SGO2: variants seen among roughly 807,000 people sequenced by gnomAD.
The protein encoded by SGO2 is shugoshin 2.
SGO2 carries 68 observed loss-of-function variants against 99.5 expected under a neutral mutation model. That is an observed-to-expected ratio of 0.68 (90% CI 0.56 to 0.84). The LOEUF is 0.84. Ranked by LOEUF, SGO2 falls within the 40% of genes least tolerant of loss-of-function variation. The probability of loss-of-function intolerance (pLI) is 0.00; values close to 1 mark genes in which losing one functional copy is unlikely to be tolerated. For synonymous variants in SGO2, 457 were observed against 487.1 expected (o/e 0.94, Z 0.81); for missense variants, 1,350 against 1,436.7 (o/e 0.94, Z 0.97).
chr2:200,532,920 T>G, intron 1 of SGO2, 54 bp from the exon 2 acceptor site: 1 of 1,512,314 alleles, frequency 6.6e-7, no homozygotes, highest in Non-Finnish European at 9.0e-7. Flanking sequence ...TATTTATCAG[T>G]TATACTTTTT....
chr2:200,562,537 C>T (rs537022666), intron 5 of SGO2, among the ~76,000 whole-genome samples: 6 of 152,244 alleles, frequency 3.9e-5, no homozygotes, highest in Middle Eastern at 3.4e-3. Context: ...CTTGGCAATG[C>T]GGGCTCTTTT....
chr2:200,550,170 G>A (rs1000905201), intron 5 of SGO2, among the ~76,000 whole-genome samples: 4 of 152,060 alleles, frequency 2.6e-5, no homozygotes, highest in African/African-American at 9.7e-5. Flanking sequence ...TCTATAGAAG[G>A]AAAATGACAA....
At chr2:200,563,026 CT>C (rs2033036536) in intron 5 of SGO2, among the ~76,000 whole-genome samples, 1 of 152,084 alleles carries the variant, frequency 6.6e-6, no homozygotes, top group South Asian at 2.1e-4. Context: ...TTGACTTCCT[CT>C]TTTCCTAATT....
At chr2:200,532,487 A>G (rs1433921980) in intron 1 of SGO2, 2 of 946,316 alleles carry the variant, frequency 2.1e-6, no homozygotes, top group Admixed American at 6.2e-5. Flanking sequence ...TTGTAATACT[A>G]TAATGTAATG....
intron 8 of SGO2, among the ~76,000 whole-genome samples, chr2:200,576,919 C>T (rs2033685611): frequency 6.6e-6 from 1 of 151,828 alleles, no homozygotes; most frequent in African/African-American, 2.4e-5. Context: ...TGTAGATGTA[C>T]CACATTTTGT....
At chr2:200,535,727 C>T (rs980465544) in intron 3 of SGO2, among the ~76,000 whole-genome samples, 8 of 151,886 alleles carry the variant, frequency 5.3e-5, no homozygotes, top group Non-Finnish European at 7.4e-5. Context: ...GGTTTAATTC[C>T]GGTGGCTGAC....
In SGO2 at chr2:200,533,014, C is replaced by A. The variant is rs375493784; in HGVS notation, c.39C>A (p.Thr13=). 3.1e-6 allele frequency: 5 copies of A among 1,608,552 alleles called. 1 individual carries two copies. The African/African-American group carries it at 6.7e-5, about 22-fold the overall frequency. ...TGATGGAAACTGGCTCACTTTTTACCTCAGGAATTAAGAGACATTTGAAAG... is the reference window on the plus strand; with the variant it reads ...TGATGGAAACTGGCTCACTTTTTACATCAGGAATTAAGAGACATTTGAAAG... ...CPVMETGSLF[T]SGIKRHLKDK... Residue 13 remains threonine, a synonymous_variant, in exon 2 of 9, where the codon ACC becomes ACA. Transcript: ENST00000357799.
chr2:200,532,284 G>T (rs66740233), intron 1 of SGO2: 14,856 of 151,924 alleles, frequency 0.098, 801 homozygotes, highest in African/African-American at 0.18. Context: ...TTTTTTTTTT[G>T]TTTTTTTTTT....
At chr2:200,547,927 G>A (rs2032301235) in intron 5 of SGO2, among the ~76,000 whole-genome samples, 1 of 151,388 alleles carries the variant, frequency 6.6e-6, no homozygotes, top group Admixed American at 6.6e-5. Context: ...ATGATTAAGG[G>A]GTCAATTCAA....
intron 5 of SGO2, among the ~76,000 whole-genome samples, chr2:200,556,355 C>A (rs192212773): frequency 6.6e-6 from 1 of 152,284 alleles, no homozygotes; most frequent in East Asian, 1.9e-4. Context: ...TTTAGCCAGG[C>A]CAAACAGCCA....
In SGO2 at chr2:200,561,507, T is replaced by C. The variant is rs945055274; in HGVS notation, c.474-8156T>C. 5.3e-5 allele frequency among the ~76,000 whole-genome samples: 8 copies of C among 152,322 alleles called. No homozygotes were observed. In the South Asian group the frequency reaches 1.7e-3, roughly 32 times the overall value. On this transcript the variant is annotated intron_variant, in intron 5 of 8. Coordinates refer to ENST00000357799, the MANE Select transcript of SGO2 (RefSeq NM_152524.6). The stretch of plus-strand genomic sequence containing the variant: ...AAGTCTTTGCTATTGTGAATAGTGC[T>C]GCAATAAACATACGTGTGCATGTGT...
At chr2:200,567,069 C>T (rs2033221232) in intron 5 of SGO2, among the ~76,000 whole-genome samples, 2 of 152,180 alleles carry the variant, frequency 1.3e-5, no homozygotes, top group Admixed American at 1.3e-4. Context: ...TGGGCTGCAC[C>T]CACTGTCCTG....
chr2:200,581,681 A>G (rs1033861018), intron 8 of SGO2, among the ~76,000 whole-genome samples: 4 of 152,146 alleles, frequency 2.6e-5, no homozygotes, highest in African/African-American at 9.7e-5. Flanking sequence ...TTTCCAATCC[A>G]AAAAGAAGGA....
intron 5 of SGO2, among the ~76,000 whole-genome samples, chr2:200,544,363 C>T (rs1395870720): frequency 6.6e-6 from 1 of 152,208 alleles, no homozygotes; most frequent in Non-Finnish European, 1.5e-5. Flanking sequence ...CTCACTGCAA[C>T]CTCCACCTGC....
chr2:200,563,057 C>T (rs1385212081), intron 5 of SGO2, among the ~76,000 whole-genome samples: 14 of 152,138 alleles, frequency 9.2e-5, no homozygotes, highest in Non-Finnish European at 2.9e-5. Context: ...GTATTTGTTT[C>T]TCCTGCCTGA....
At chr2:200,534,152 T>TA (rs1432993801) in intron 2 of SGO2, among the ~76,000 whole-genome samples, 2 of 152,228 alleles carry the variant, frequency 1.3e-5, no homozygotes, top group African/African-American at 4.8e-5. Flanking sequence ...TTATAAAACT[T>TA]ATTTCACATA....
At chr2:200,531,995 C>T (rs1464760037) in intron 1 of SGO2, 2 of 152,216 alleles carry the variant, frequency 1.3e-5, no homozygotes, top group Non-Finnish European at 2.9e-5. Context: ...TCTTCAAAGG[C>T]CCTTTTTCCA....
intron 2 of SGO2, 196 bp downstream of exon 2, chr2:200,533,304 G>A: frequency 2.2e-6 from 1 of 458,008 alleles, no homozygotes; most frequent in Non-Finnish European, 3.6e-6. Flanking sequence ...TACCCTAAGT[G>A]TGACACAGTT....
chr2:200,539,946 A>G (rs982087319), intron 4 of SGO2, among the ~76,000 whole-genome samples: 1 of 144,886 alleles, frequency 6.9e-6, no homozygotes, highest in African/African-American at 2.5e-5. Context: ...CTATTGTTCT[A>G]TCTCCAAGTT....
Sources: allele counts gnomAD v4.1 joint callset (sites outside exome capture counted in the v4.1 genomes callset), GRCh38; gene constraint gnomAD v4.1.1; transcripts MANE v1.5; gene names NCBI Gene and HGNC (gene_info 2026-07-23, HGNC 2026-07-21).